TBXAS1: variants seen among roughly 807,000 people sequenced by gnomAD.
The protein encoded by TBXAS1 is thromboxane-A synthase.
In TBXAS1, 48 loss-of-function variants were observed where a neutral mutation model predicts 60.7. The observed-to-expected ratio is 0.79, with a 90% confidence interval of 0.63 to 1.01. The LOEUF (loss-of-function observed/expected upper bound fraction) is 1.01, where lower values mean the gene tolerates loss of function less well. Ranked by LOEUF, TBXAS1 falls within the 50% of genes least tolerant of loss-of-function variation. The pLI is 0.00. For missense variants in TBXAS1, 685 were observed against 686.3 expected, an observed-to-expected ratio of 1.00 and a Z score of 0.02; for synonymous variants, 287 against 269.7, an observed-to-expected ratio of 1.06 and a Z score of -0.63.
chr7:139,911,104 G>A lies in TBXAS1; in HGVS notation c.237-121G>A, dbSNP rs979493860. On this transcript the variant is annotated intron_variant, in intron 3 of 12. Transcript: ENST00000448866. ...TGATTGGAACATATGTTTCCTCATC[G>A]TCTCCATACCTTTACTTCCTAGTTA... 1.4e-4 allele frequency: 120 copies of A among 841,190 alleles called. 4 individuals are homozygous for A. In the South Asian group the frequency reaches 1.6e-3, roughly 11 times the overall value. 52.1% of individuals were successfully genotyped at this position (841,190 alleles called of 1,614,324 possible). A position where few individuals can be genotyped will look rare whatever the true frequency, so the allele number is the denominator to read the frequency against.
At chr7:139,930,597 G>C (rs1181524775) in intron 4 of TBXAS1, among the ~76,000 whole-genome samples, 1 of 152,082 alleles carries the variant, frequency 6.6e-6, no homozygotes, top group Non-Finnish European at 1.5e-5. Flanking sequence ...AATGCAACCC[G>C]AGCTTCCAGA....
upstream of TBXAS1, among the ~76,000 whole-genome samples, chr7:139,828,045 G>C (rs1798495168): frequency 6.6e-6 from 1 of 152,130 alleles, no homozygotes. Context: ...GGCTGCAGAA[G>C]TTTTCCTTGA....
chr7:139,970,444 G>A (rs1460013673), intron 9 of TBXAS1, among the ~76,000 whole-genome samples: 1 of 152,236 alleles, frequency 6.6e-6, no homozygotes, highest in Admixed American at 6.5e-5. Context: ...AGGTGATGCT[G>A]ATACAGCCAG....
chr7:139,911,828 C>T (rs1805549879), intron 4 of TBXAS1, among the ~76,000 whole-genome samples: 1 of 152,182 alleles, frequency 6.6e-6, no homozygotes, highest in African/African-American at 2.4e-5. Flanking sequence ...TACATTAGGT[C>T]AAGTCTCCAG....
At chr7:140,019,988 A>C in intron 12 of TBXAS1, 37 bp from the exon 13 acceptor site, 1 of 1,594,374 alleles carries the variant, frequency 6.3e-7, no homozygotes, top group South Asian at 1.1e-5. Flanking sequence ...AGATGCTACT[A>C]TCTCTTTGAC....
At chr7:139,968,665 CTT>C (rs1174331841) in intron 9 of TBXAS1, among the ~76,000 whole-genome samples, 1 of 152,176 alleles carries the variant, frequency 6.6e-6, no homozygotes, top group Non-Finnish European at 1.5e-5. Context: ...TCCAAATCGT[CTT>C]GTTTGGGAAT....
intron 2 of TBXAS1, among the ~76,000 whole-genome samples, chr7:139,874,004 T>G (rs1011682034): frequency 2.4e-4 from 37 of 152,234 alleles, no homozygotes; most frequent in African/African-American, 8.2e-4. Context: ...CTGCTCTTTC[T>G]GTCCTTTTCT....
chr7:139,935,335 C>A (rs1484362832), intron 4 of TBXAS1, among the ~76,000 whole-genome samples: 2 of 152,208 alleles, frequency 1.3e-5, no homozygotes, highest in African/African-American at 4.8e-5. Context: ...GCCTACACAT[C>A]ACTTTATGTA....
intron 4 of TBXAS1, among the ~76,000 whole-genome samples, chr7:139,915,926 G>A (rs907409913): frequency 6.6e-6 from 1 of 152,110 alleles, no homozygotes; most frequent in African/African-American, 2.4e-5. Flanking sequence ...CATTTTCCAC[G>A]TGGACCTTGT....
At chr7:139,905,387 T>C (rs1584817615) in intron 3 of TBXAS1, among the ~76,000 whole-genome samples, 1 of 152,302 alleles carries the variant, frequency 6.6e-6, no homozygotes, top group South Asian at 2.1e-4. Flanking sequence ...GTGATTTTTG[T>C]TTTTAATTCT....
At chr7:139,882,560 A>G (rs1169400951) in intron 3 of TBXAS1, among the ~76,000 whole-genome samples, 2 of 152,216 alleles carry the variant, frequency 1.3e-5, no homozygotes, top group African/African-American at 4.8e-5. Context: ...TATGAGGCTC[A>G]TTTACTAAAT....
intron 9 of TBXAS1, among the ~76,000 whole-genome samples, chr7:139,984,636 GA>G (rs1812224844): frequency 1.4e-5 from 1 of 70,912 alleles, no homozygotes; most frequent in Non-Finnish European, 2.9e-5. Flanking sequence ...GAGAGAGAGA[GA>G]GAGAGAAAGA....
At chr7:139,904,294 C>T (rs982609091) in intron 3 of TBXAS1, among the ~76,000 whole-genome samples, 2 of 152,012 alleles carry the variant, frequency 1.3e-5, no homozygotes, top group African/African-American at 4.8e-5. Context: ...TATTCTCTTC[C>T]ATTGGTCTAT....
At chr7:139,810,201 C>CT (rs372822884) in intron 4 of TBXAS1, among the ~76,000 whole-genome samples, 6 of 151,454 alleles carry the variant, frequency 4.0e-5, no homozygotes, top group Non-Finnish European at 7.4e-5. Context: ...CAATGCCTGA[C>CT]TTTTTTTTTC....
Position 139,846,022 on chromosome 7 carries a change from C to G in TBXAS1, c.89+16543C>G, listed in dbSNP as rs534894890. ...GTATTTTTTTGTAGAGACGGGGTTTCTCCATGTTGCCCAGGCTGGGAACTC... is the reference window on the plus strand; with the variant it reads ...GTATTTTTTTGTAGAGACGGGGTTTGTCCATGTTGCCCAGGCTGGGAACTC... On this transcript the variant is annotated intron_variant, in intron 1 of 12. Coordinates refer to ENST00000448866, the MANE Select transcript of TBXAS1 (RefSeq NM_001061.7). 2.0e-5 allele frequency among the ~76,000 whole-genome samples: 3 copies of G among 151,364 alleles called. No homozygotes were observed. In the South Asian group the frequency reaches 6.3e-4, roughly 32 times the overall value.
intron 4 of TBXAS1, among the ~76,000 whole-genome samples, chr7:139,821,917 C>G (rs6953224): frequency 0.18 from 27,748 of 152,140 alleles, 3,291 homozygotes; most frequent in African/African-American, 0.34. Context: ...GAATGCTGTA[C>G]GTCGTTTCCT....
chr7:139,979,328 C>T (rs1419978209), intron 9 of TBXAS1, among the ~76,000 whole-genome samples: 1 of 151,966 alleles, frequency 6.6e-6, no homozygotes, highest in African/African-American at 2.4e-5. Context: ...CAGCTTTAAG[C>T]AACAAAGAAA....
At chr7:139,807,994 C>G (rs1404770659) in intron 4 of TBXAS1, among the ~76,000 whole-genome samples, 2 of 152,120 alleles carry the variant, frequency 1.3e-5, no homozygotes, top group Non-Finnish European at 2.9e-5. Context: ...TGTTCAATAG[C>G]CACCATTAGA....
intron 3 of TBXAS1, among the ~76,000 whole-genome samples, chr7:139,895,733 G>A (rs978047688): frequency 1.3e-5 from 2 of 152,240 alleles, no homozygotes; most frequent in African/African-American, 4.8e-5. Context: ...GAATCACCAG[G>A]TTGAAGTGGG....
Sources: gnomAD v4.1 joint callset for allele counts (sites outside exome capture counted in the v4.1 genomes callset) on GRCh38, gnomAD v4.1.1 for gene constraint, MANE v1.5 for transcripts, NCBI Gene and HGNC (gene_info 2026-07-23, HGNC 2026-07-21) for gene names.